The following GALNT17 variants were observed in gnomAD, a reference collection of about 807,000 sequenced individuals.
GALNT17 encodes polypeptide N-acetylgalactosaminyltransferase 17, also known as UDP-GalNAc:polypeptide N-acetylgalactosaminyltransferase-like 3.
A neutral mutation model predicts 63.7 loss-of-function variants in GALNT17; 29 were observed. That is an observed-to-expected ratio of 0.46 (90% CI 0.34 to 0.62). GALNT17 has a LOEUF of 0.62. Ranked by LOEUF, GALNT17 falls within the 20% of genes least tolerant of loss-of-function variation. The pLI is 0.01. For missense variants in GALNT17, 603 were observed against 799.6 expected, an observed-to-expected ratio of 0.75 and a Z score of 2.97; for synonymous variants, 305 against 318.3, an observed-to-expected ratio of 0.96 and a Z score of 0.45.
At chr7:71,329,901 A>ATT (rs1438217882) in intron 1 of GALNT17, among the ~76,000 whole-genome samples, 1 of 143,600 alleles carries the variant, frequency 7.0e-6, no homozygotes, top group African/African-American at 2.6e-5. Flanking sequence ...GAATATATAT[A>ATT]TGTATATATA....
At chr7:71,465,798 A>G (rs1256029365) in intron 5 of GALNT17, among the ~76,000 whole-genome samples, 1 of 152,214 alleles carries the variant, frequency 6.6e-6, no homozygotes, top group East Asian at 1.9e-4. Context: ...TATAGAAAGG[A>G]TGCATGGCCA....
rs957715695 is a variant in GALNT17, at chr7:71,196,238, A to T, written c.238+63198A>T. 2.6e-5 allele frequency among the ~76,000 whole-genome samples: 4 copies of T among 151,714 alleles called. No homozygotes were observed. In the South Asian group the frequency reaches 8.3e-4, roughly 32 times the overall value. ...CCTGCAAACTCCGCCTCCAGGTTCA[A>T]GCAATTCCCCTGCCTCAGCCTCTCA... On this transcript the variant is annotated intron_variant, in intron 1 of 10. Coordinates refer to ENST00000333538, the MANE Select transcript of GALNT17 (RefSeq NM_022479.3).
At chr7:71,172,611 C>T (rs1436701538) in intron 1 of GALNT17, among the ~76,000 whole-genome samples, 1 of 152,116 alleles carries the variant, frequency 6.6e-6, no homozygotes, top group East Asian at 1.9e-4. Context: ...CACAACTGCT[C>T]AGTCCAGAAG....
At chr7:71,303,044 T>C (rs966505295) in intron 1 of GALNT17, among the ~76,000 whole-genome samples, 2 of 152,094 alleles carry the variant, frequency 1.3e-5, no homozygotes, top group African/African-American at 2.4e-5. Flanking sequence ...TTTGTATTTT[T>C]AGTAGAGACA....
At chr7:71,609,520 A>AT (rs1790094619) in intron 6 of GALNT17, among the ~76,000 whole-genome samples, 1 of 151,700 alleles carries the variant, frequency 6.6e-6, no homozygotes, top group African/African-American at 2.4e-5. Context: ...GAGAGAAATA[A>AT]TTTTTTTCAT....
intron 1 of GALNT17, among the ~76,000 whole-genome samples, chr7:71,160,805 T>C (rs1313161221): frequency 1.3e-5 from 2 of 152,176 alleles, no homozygotes; most frequent in African/African-American, 4.8e-5. Context: ...TGTGGAACTT[T>C]TAGGCCAAAA....
At position 71,501,161 on chromosome 7, in the gene GALNT17, G is replaced by T. The variant is rs540148390; in HGVS notation, c.963-70124G>T. Among the ~76,000 whole-genome samples the T allele has an allele frequency of 1.4e-4, 22 of 152,134 alleles. No individual in the cohort carries two copies. In the South Asian group the frequency reaches 3.7e-3, roughly 26 times the overall value. On this transcript the variant is annotated intron_variant, in intron 5 of 10. Coordinates refer to ENST00000333538, the MANE Select transcript of GALNT17 (RefSeq NM_022479.3). ...TTTTTGTATTTTTAGTAGAGGCAGG[G>T]TTTTCTCATGTTGGCCAGGCTGGTC...
At chr7:71,605,087 A>AAACT (rs531175575) in intron 6 of GALNT17, among the ~76,000 whole-genome samples, 55 of 152,336 alleles carry the variant, frequency 3.6e-4, no homozygotes, top group African/African-American at 1.3e-3. Flanking sequence ...ACTACCAGTG[A>AAACT]AACTACATTG....
chr7:71,313,110 T>G (rs761233112), intron 1 of GALNT17, among the ~76,000 whole-genome samples: 1 of 152,176 alleles, frequency 6.6e-6, no homozygotes, highest in Admixed American at 6.6e-5. Context: ...ACCCCGTATC[T>G]TTAAAAATAT....
intron 5 of GALNT17, among the ~76,000 whole-genome samples, chr7:71,464,051 C>A (rs949423093): frequency 1.3e-5 from 2 of 152,132 alleles, no homozygotes; most frequent in Non-Finnish European, 2.9e-5. Context: ...GATTCGAATG[C>A]CTCTGACACT....
chr7:71,298,991 T>A (rs954065056), intron 1 of GALNT17, among the ~76,000 whole-genome samples: 1 of 152,132 alleles, frequency 6.6e-6, no homozygotes, highest in African/African-American at 2.4e-5. Context: ...TGACAGGTGT[T>A]AAGTCACCAC....
chr7:71,442,817 A>G (rs1484071785), intron 5 of GALNT17, among the ~76,000 whole-genome samples: 1 of 152,122 alleles, frequency 6.6e-6, no homozygotes, highest in Admixed American at 6.5e-5. Flanking sequence ...CCCTCCGAAA[A>G]CAGGCAGTGT....
At chr7:71,657,883 T>C (rs1790851886) in intron 6 of GALNT17, among the ~76,000 whole-genome samples, 1 of 22,620 alleles carries the variant, frequency 4.4e-5, no homozygotes, top group Non-Finnish European at 9.7e-5. Context: ...GATGGATGGA[T>C]GGATGGATGG....
In GALNT17 at chr7:71,582,322, C is replaced by T. The variant is rs149873035; in HGVS notation, c.1080+10920C>T. Reference sequence around the variant, plus strand: ...GGGTGCAGTGCCTCACACCTGTAATCGCAGCACTTTGGGAGGTCAAGACGG... The same window carrying T: ...GGGTGCAGTGCCTCACACCTGTAATTGCAGCACTTTGGGAGGTCAAGACGG... On this transcript the variant is annotated intron_variant, in intron 6 of 10. Coordinates refer to ENST00000333538, the MANE Select transcript of GALNT17 (RefSeq NM_022479.3). Among the ~76,000 whole-genome samples the T allele has an allele frequency of 8.6e-5, 13 of 151,454 alleles. No individual in the cohort carries two copies. The East Asian group carries it at 2.3e-3, about 27-fold the overall frequency.
At chr7:71,511,750 A>G (rs968655729) in intron 5 of GALNT17, among the ~76,000 whole-genome samples, 4 of 152,022 alleles carry the variant, frequency 2.6e-5, no homozygotes, top group Non-Finnish European at 4.4e-5. Context: ...GCAGTGCACA[A>G]CCTCCACAAC....
At chr7:71,258,748 A>G (rs1384332221) in intron 1 of GALNT17, among the ~76,000 whole-genome samples, 1 of 152,082 alleles carries the variant, frequency 6.6e-6, no homozygotes, top group Non-Finnish European at 1.5e-5. Context: ...ACACAGTAAG[A>G]GAGGTGTCAG....
intron 1 of GALNT17, among the ~76,000 whole-genome samples, chr7:71,216,579 A>G (rs1312810158): frequency 7.7e-6 from 1 of 130,390 alleles, no homozygotes; most frequent in Non-Finnish European, 1.8e-5. Flanking sequence ...CACACACACA[A>G]ATACACACAC....
intron 5 of GALNT17, among the ~76,000 whole-genome samples, chr7:71,514,553 C>CTCA (rs1222272712): frequency 6.6e-6 from 1 of 152,176 alleles, no homozygotes; most frequent in Non-Finnish European, 1.5e-5. Context: ...CAATACCCAT[C>CTCA]TCATCATCCA....
At chr7:71,538,215 AAG>A (rs1217614058) in intron 5 of GALNT17, among the ~76,000 whole-genome samples, 1 of 152,186 alleles carries the variant, frequency 6.6e-6, no homozygotes, top group African/African-American at 2.4e-5. Flanking sequence ...TTTAAGATGA[AAG>A]AGAAAATTCT....
Sources: gnomAD v4.1 joint callset for allele counts (sites outside exome capture counted in the v4.1 genomes callset) on GRCh38, gnomAD v4.1.1 for gene constraint, MANE v1.5 for transcripts, NCBI Gene and HGNC (gene_info 2026-07-23, HGNC 2026-07-21) for gene names.